The following RFX3 variants were observed in gnomAD, a reference collection of about 807,000 sequenced individuals.
The protein encoded by RFX3 is regulatory factor X3.
Under a neutral mutation model 98.6 loss-of-function variants are expected in RFX3, and 14 were observed. That is an observed-to-expected ratio of 0.14 (90% CI 0.09 to 0.22). The LOEUF is 0.22. Ranked by LOEUF, RFX3 falls within the 10% of genes least tolerant of loss-of-function variation. The pLI is 1.00. For synonymous variants in RFX3, 383 were observed against 328.4 expected (o/e 1.17, Z -1.80); for missense variants, 639 against 926.9 (o/e 0.69, Z 4.03).
intron 1 of RFX3, among the ~76,000 whole-genome samples, chr9:3,396,207 C>G (rs1374369299): frequency 1.3e-5 from 2 of 151,736 alleles, no homozygotes; most frequent in Admixed American, 1.3e-4. Flanking sequence ...CACCCCACAA[C>G]AGGCCCCGAT....
At chr9:3,344,428 T>G (rs894049975) in intron 3 of RFX3, among the ~76,000 whole-genome samples, 3 of 152,168 alleles carry the variant, frequency 2.0e-5, no homozygotes, top group Non-Finnish European at 4.4e-5. Context: ...GAGCATTATG[T>G]TGGTGCTCAA....
chr9:3,289,105 AAAT>A (rs2131592049), intron 6 of RFX3, among the ~76,000 whole-genome samples: 1 of 152,268 alleles, frequency 6.6e-6, no homozygotes, highest in Non-Finnish European at 1.5e-5. Flanking sequence ...TGCAAAGAGA[AAAT>A]AGTAGTTTTT....
At chr9:3,389,337 G>A (rs575713691) in intron 2 of RFX3, among the ~76,000 whole-genome samples, 2 of 152,220 alleles carry the variant, frequency 1.3e-5, no homozygotes, top group East Asian at 1.9e-4. Flanking sequence ...ATGAGGAGAA[G>A]GAGCAATCCA....
chr9:3,375,394 TGGCATGCTGC>T (rs1838351125), intron 2 of RFX3, among the ~76,000 whole-genome samples: 1 of 152,234 alleles, frequency 6.6e-6, no homozygotes, highest in Non-Finnish European at 1.5e-5. Context: ...ACTCTGTCCA[TGGCATGCTGC>T]GGCCACATTT....
intron 3 of RFX3, among the ~76,000 whole-genome samples, chr9:3,335,818 G>A (rs148032741): frequency 2.0e-5 from 3 of 152,314 alleles, no homozygotes; most frequent in Non-Finnish European, 4.4e-5. Context: ...TCAGGACTCT[G>A]ATTCATTGAA....
chr9:3,423,512 C>G (rs993150228), intron 1 of RFX3, among the ~76,000 whole-genome samples: 6 of 151,946 alleles, frequency 3.9e-5, no homozygotes, highest in South Asian at 2.1e-4. Flanking sequence ...TTGGGCTGAG[C>G]AAAAGAAACC....
chr9:3,263,841 G>A (rs1013130093), intron 12 of RFX3, among the ~76,000 whole-genome samples: 1 of 152,152 alleles, frequency 6.6e-6, no homozygotes. Flanking sequence ...GCACTGGCAG[G>A]AGATGGAAGG....
chr9:3,405,904 C>A (rs1037991435), intron 1 of RFX3, among the ~76,000 whole-genome samples: 1 of 152,090 alleles, frequency 6.6e-6, no homozygotes, highest in Non-Finnish European at 1.5e-5. Context: ...TACAATCCAG[C>A]CTTATGGAAC....
intron 1 of RFX3, among the ~76,000 whole-genome samples, chr9:3,493,655 G>C (rs1850890661): frequency 7.5e-6 from 1 of 132,618 alleles, no homozygotes; most frequent in Admixed American, 8.5e-5. Context: ...CTGCACTCCA[G>C]CCTGGGCGAC....
At chr9:3,226,041 A>G (rs932503829) in intron 16 of RFX3, among the ~76,000 whole-genome samples, 1 of 152,118 alleles carries the variant, frequency 6.6e-6, no homozygotes, top group African/African-American at 2.4e-5. Flanking sequence ...ATGCCATTTA[A>G]TTTTTTCCAG....
chr9:3,298,823 A>T (rs1828310534), intron 5 of RFX3, among the ~76,000 whole-genome samples: 1 of 151,820 alleles, frequency 6.6e-6, no homozygotes, highest in Admixed American at 6.6e-5. Context: ...TGAATAAGCA[A>T]ATACAGAAAC....
intron 1 of RFX3, among the ~76,000 whole-genome samples, chr9:3,436,112 A>G (rs1226687492): frequency 1.3e-5 from 2 of 152,024 alleles, no homozygotes; most frequent in Non-Finnish European, 2.9e-5. Context: ...GAAGTAAGAG[A>G]CATCTAGATA....
intron 3 of RFX3, among the ~76,000 whole-genome samples, chr9:3,337,299 G>C (rs780675892): frequency 3.3e-5 from 5 of 152,182 alleles, no homozygotes; most frequent in Non-Finnish European, 7.4e-5. Flanking sequence ...TTATATGTCT[G>C]ATTGAACTAG....
chr9:3,272,123 C>G (rs1373116408), intron 9 of RFX3, among the ~76,000 whole-genome samples: 1 of 152,020 alleles, frequency 6.6e-6, no homozygotes, highest in African/African-American at 2.4e-5. Flanking sequence ...TGTAAATAAG[C>G]CTTCAGGTAA....
intron 2 of RFX3, among the ~76,000 whole-genome samples, chr9:3,380,796 G>A (rs1389579417): frequency 6.6e-6 from 1 of 152,128 alleles, no homozygotes; most frequent in Non-Finnish European, 1.5e-5. Context: ...TGTCTACTTA[G>A]ATTTAACACA....
intron 3 of RFX3, among the ~76,000 whole-genome samples, chr9:3,341,023 G>C (rs1833829221): frequency 6.6e-6 from 1 of 152,146 alleles, no homozygotes; most frequent in African/African-American, 2.4e-5. Flanking sequence ...AACAACAATA[G>C]ACTGGATTAA....
Position 3,412,179 on chromosome 9 carries a change from C to A in RFX3, c.-8-16583G>T, listed in dbSNP as rs770787905. Among the ~76,000 whole-genome samples, 81 of 152,068 alleles carry A rather than the reference C, an allele frequency of 5.3e-4. 4 individuals carry two copies. Among genetic ancestry groups the A allele is most frequent in the Non-Finnish European group, 1.0e-4 (7 of 68,010 alleles). ...TTTCCAAAGTACAGTAGAACTACTT[C>A]ATAATAAGACCACTAAAGGTCAACA... On this transcript the variant is annotated intron_variant, in intron 1 of 16. Coordinates refer to ENST00000617270, the MANE Select transcript of RFX3 (RefSeq NM_001282116.2).
chr9:3,320,136 T>C (rs1246881342), intron 4 of RFX3, among the ~76,000 whole-genome samples: 1 of 152,222 alleles, frequency 6.6e-6, no homozygotes, highest in Non-Finnish European at 1.5e-5. Context: ...CAAATAGATA[T>C]AATGTATAAT....
chr9:3,305,388 C>A (rs1172873321), intron 4 of RFX3, among the ~76,000 whole-genome samples: 2 of 151,844 alleles, frequency 1.3e-5, no homozygotes, highest in Non-Finnish European at 2.9e-5. Context: ...ATAATGGGGC[C>A]ATGCTAGTAG....
Sources: gnomAD v4.1 joint callset for allele counts (sites outside exome capture counted in the v4.1 genomes callset) on GRCh38, gnomAD v4.1.1 for gene constraint, MANE v1.5 for transcripts, NCBI Gene and HGNC (gene_info 2026-07-23, HGNC 2026-07-21) for gene names.